CAMK4: variants seen among roughly 807,000 people sequenced by gnomAD.
CAMK4 encodes the protein calcium/calmodulin dependent protein kinase IV.
A neutral mutation model predicts 44.9 loss-of-function variants in CAMK4; 22 were observed. The ratio of observed to expected loss-of-function variants is 0.49; its 90% CI spans 0.35 to 0.70. The LOEUF (loss-of-function observed/expected upper bound fraction) is 0.70. CAMK4 is among the 30% of genes least tolerant of loss of function. The pLI is 0.01. For synonymous variants in CAMK4, 218 were observed against 215.4 expected (o/e 1.01, Z -0.11); for missense variants, 498 against 586.8 (o/e 0.85, Z 1.56).
At chr5:111,253,405 C>T (rs1051694856) in intron 1 of CAMK4, among the ~76,000 whole-genome samples, 2 of 152,224 alleles carry the variant, frequency 1.3e-5, no homozygotes, top group Admixed American at 6.5e-5. Context: ...TTTCCAGTTC[C>T]GGACAGGGTT....
intron 4 of CAMK4, among the ~76,000 whole-genome samples, chr5:111,382,589 C>T (rs1252367706): frequency 1.3e-5 from 2 of 151,988 alleles, no homozygotes; most frequent in African/African-American, 4.8e-5. Flanking sequence ...GTATGCAGGG[C>T]AATTTATTAA....
chr5:111,281,441 C>T (rs1316982161), intron 1 of CAMK4, among the ~76,000 whole-genome samples: 1 of 152,208 alleles, frequency 6.6e-6, no homozygotes, highest in Non-Finnish European at 1.5e-5. Context: ...CTCCCATCCC[C>T]TCTCCCTTAA....
At chr5:111,276,837 C>G (rs1296501440) in intron 1 of CAMK4, among the ~76,000 whole-genome samples, 1 of 152,000 alleles carries the variant, frequency 6.6e-6, no homozygotes, top group Non-Finnish European at 1.5e-5. Context: ...ACTGAAGAAT[C>G]CTTACCAAAA....
intron 5 of CAMK4, among the ~76,000 whole-genome samples, chr5:111,431,232 AC>A (rs1753430413): frequency 1.3e-5 from 2 of 152,190 alleles, no homozygotes; most frequent in South Asian, 4.1e-4. Flanking sequence ...CTCATCTCTG[AC>A]AAAGGTGCCA....
rs1010601987 is a variant in CAMK4, at chr5:111,490,178, A to T, written c.*5712A>T. On this transcript the variant is annotated 3_prime_UTR_variant, in exon 11 of 11. Coordinates refer to ENST00000282356, the MANE Select transcript of CAMK4 (RefSeq NM_001744.6). Reference sequence around the variant, plus strand: ...AGGCTACTTAAATACAAGACCTTGCATTCTAATTTTTGAAAGCGGTTGTTT... The same window carrying T: ...AGGCTACTTAAATACAAGACCTTGCTTTCTAATTTTTGAAAGCGGTTGTTT... The T allele has an allele frequency of 6.6e-6, 1 of 152,214 alleles. No individual in the cohort carries two copies. Among genetic ancestry groups the T allele is most frequent in the African/African-American group, 2.4e-5 (1 of 41,454 alleles). 9.4% of individuals were successfully genotyped at this position (152,214 alleles called of 1,614,324 possible). A position where few individuals can be genotyped will look rare whatever the true frequency, so the allele number is the denominator to read the frequency against.
chr5:111,224,467 G>T lies in CAMK4; in HGVS notation c.-17G>T. ...GGCGGCGGCGGCGGCGGCGGCTTCC[G>T]GAGTCCCGCTGCGAAGATGCTCAAA... On this transcript the variant is annotated 5_prime_UTR_variant, in exon 1 of 11. Coordinates refer to ENST00000282356, the MANE Select transcript of CAMK4 (RefSeq NM_001744.6). The surrounding 1 kb of genome is among the most constrained non-coding windows in gnomAD (Gnocchi z 5.7). 1 of 1,577,684 alleles carries T rather than the reference G, an allele frequency of 6.3e-7. No homozygotes were observed. Among genetic ancestry groups the T allele is most frequent in the South Asian group, 1.1e-5 (1 of 87,702 alleles).
intron 1 of CAMK4, among the ~76,000 whole-genome samples, chr5:111,250,625 T>C (rs1008914902): frequency 6.6e-6 from 1 of 152,212 alleles, no homozygotes; most frequent in African/African-American, 2.4e-5. Flanking sequence ...TTTTTCTTTC[T>C]CATATCTGCT....
chr5:111,226,475 A>C (rs965676483), intron 1 of CAMK4, among the ~76,000 whole-genome samples: 5 of 152,244 alleles, frequency 3.3e-5, no homozygotes, highest in South Asian at 2.1e-4. Context: ...TGTAGTTGAA[A>C]ATATCAGAAG....
chr5:111,456,237 C>T (rs532457483), intron 7 of CAMK4, among the ~76,000 whole-genome samples: 117 of 152,060 alleles, frequency 7.7e-4, no homozygotes, highest in African/African-American at 2.7e-3. Context: ...CGCGGTGGCT[C>T]ACGACTGTAA....
intron 5 of CAMK4, among the ~76,000 whole-genome samples, chr5:111,414,215 C>G (rs781669502): frequency 1.3e-5 from 2 of 152,120 alleles, no homozygotes; most frequent in African/African-American, 4.8e-5. Flanking sequence ...CTTTGTTACT[C>G]CCAAAGCACA....
chr5:111,440,656 A>AG (rs1408569905), intron 5 of CAMK4, among the ~76,000 whole-genome samples: 1 of 152,226 alleles, frequency 6.6e-6, no homozygotes, highest in African/African-American at 2.4e-5. Flanking sequence ...AATTAGAAAA[A>AG]GGAATCAAAA....
rs1580458779 is a variant in CAMK4, at chr5:111,235,002, A to G, written c.161+10358A>G. On this transcript the variant is annotated intron_variant, in intron 1 of 10. Transcript: ENST00000282356. ...GCTCACACATGTCTTGTTACCTACA[A>G]TGAAGTATTTGAATGATGTCTCCCT... Among the ~76,000 whole-genome samples the G allele has an allele frequency of 2.0e-5, 3 of 152,252 alleles. No homozygotes were observed. The East Asian group carries it at 5.8e-4, about 29-fold the overall frequency.
intron 2 of CAMK4, among the ~76,000 whole-genome samples, chr5:111,367,710 C>G (rs1750846658): frequency 6.6e-6 from 1 of 152,074 alleles, no homozygotes; most frequent in Non-Finnish European, 1.5e-5. Context: ...CAATGAGACC[C>G]CATATACCTC....
At chr5:111,264,740 GGAT>G (rs1393485087) in intron 1 of CAMK4, among the ~76,000 whole-genome samples, 1 of 152,092 alleles carries the variant, frequency 6.6e-6, no homozygotes, top group Non-Finnish European at 1.5e-5. Flanking sequence ...AAGGTTCCAA[GGAT>G]GGAACCAGGA....
chr5:111,237,936 C>G (rs1365987398), intron 1 of CAMK4, among the ~76,000 whole-genome samples: 1 of 152,244 alleles, frequency 6.6e-6, no homozygotes, highest in Non-Finnish European at 1.5e-5. Context: ...CTTGACATAA[C>G]TTCCAAGTAG....
chr5:111,240,467 T>G (rs1161657173), intron 1 of CAMK4, among the ~76,000 whole-genome samples: 1 of 152,252 alleles, frequency 6.6e-6, no homozygotes, highest in Non-Finnish European at 1.5e-5. Flanking sequence ...ATACCTAAGT[T>G]GTAAAAGAAA....
intron 7 of CAMK4, among the ~76,000 whole-genome samples, chr5:111,471,620 A>G (rs550882874): frequency 4.3e-4 from 65 of 152,366 alleles, no homozygotes; most frequent in African/African-American, 1.6e-3. Context: ...GTCTCAGACT[A>G]GATCCTGTTT....
intron 7 of CAMK4, among the ~76,000 whole-genome samples, chr5:111,469,112 C>T (rs1260219550): frequency 8.4e-6 from 1 of 119,192 alleles, no homozygotes; most frequent in African/African-American, 3.3e-5. Context: ...CCATTGGGCT[C>T]TAGTCTGGGC....
At chr5:111,308,253 A>T (rs1321164404) in intron 1 of CAMK4, among the ~76,000 whole-genome samples, 3 of 148,694 alleles carry the variant, frequency 2.0e-5, no homozygotes, top group Non-Finnish European at 1.5e-5. Context: ...AGTATAATAA[A>T]AAAATAAAAT....
Sources: allele counts gnomAD v4.1 joint callset (sites outside exome capture counted in the v4.1 genomes callset), GRCh38; gene constraint gnomAD v4.1.1; non-coding constraint Gnocchi (gnomAD v3.1); transcripts MANE v1.5; gene names NCBI Gene and HGNC (gene_info 2026-07-23, HGNC 2026-07-21).